The following ENTREP2 variants were observed in gnomAD, a reference collection of about 807,000 sequenced individuals.
The protein encoded by ENTREP2 is protein ENTREP2.
the ENTREP2 span, among the ~76,000 whole-genome samples, chr15:29,481,993 TTTTC>T: frequency 5.2e-4 from 79 of 152,018 alleles, no homozygotes; most frequent in Middle Eastern, 3.4e-3. Flanking sequence ...TTTCTTTTTC[TTTTC>T]TTTCTTTCTT....
the ENTREP2 span, among the ~76,000 whole-genome samples, chr15:29,343,381 C>T: frequency 6.6e-6 from 1 of 152,064 alleles, no homozygotes; most frequent in African/African-American, 2.4e-5. Context: ...GACTGAGGTT[C>T]CCCAAGTAGA....
At chr15:29,451,043 C>T in the ENTREP2 span, among the ~76,000 whole-genome samples, 1 of 151,776 alleles carries the variant, frequency 6.6e-6, no homozygotes, top group Non-Finnish European at 1.5e-5. Context: ...AATCTGTACA[C>T]CAAACCCCCA....
chr15:29,194,474 C>G, the ENTREP2 span, among the ~76,000 whole-genome samples: 1 of 152,210 alleles, frequency 6.6e-6, no homozygotes, highest in Non-Finnish European at 1.5e-5. Context: ...ATAGTGTAGT[C>G]TTTCCTTTGC....
At chr15:29,233,566 A>G in the ENTREP2 span, 1 of 601,516 alleles carries the variant, frequency 1.7e-6, no homozygotes. Flanking sequence ...CACCTACTGT[A>G]ATTTAGTCCA....
chr15:29,231,907 T>TTTTTTTTTTTTTTTG, the ENTREP2 span, among the ~76,000 whole-genome samples: 1 of 149,828 alleles, frequency 6.7e-6, no homozygotes, highest in Admixed American at 6.7e-5. Flanking sequence ...TTTTTTTTTT[T>TTTTTTTTTTTTTTTG]TGAGACGGAG....
the ENTREP2 span, among the ~76,000 whole-genome samples, chr15:29,406,218 A>C: frequency 2.0e-5 from 3 of 152,250 alleles, no homozygotes; most frequent in Admixed American, 6.5e-5. Flanking sequence ...TATTCTATAA[A>C]CATTTGGAAT....
chr15:29,267,381 T>C, the ENTREP2 span: 1 of 152,218 alleles, frequency 6.6e-6, no homozygotes, highest in Admixed American at 6.5e-5. Context: ...GACTATGAAC[T>C]CTTCTAGTTC....
chr15:29,535,979 A>C, the ENTREP2 span, among the ~76,000 whole-genome samples: 3 of 152,300 alleles, frequency 2.0e-5, no homozygotes, highest in African/African-American at 7.2e-5. Context: ...CCCAGGCGGC[A>C]GAGGAGCCTG....
At chr15:29,190,404 G>A in the ENTREP2 span, among the ~76,000 whole-genome samples, 26 of 151,888 alleles carry the variant, frequency 1.7e-4, no homozygotes, top group African/African-American at 6.0e-4. Flanking sequence ...AGTCAGGAAG[G>A]GCAGAACAGA....
chr15:29,630,370 G>C, the ENTREP2 span, among the ~76,000 whole-genome samples: 2 of 151,996 alleles, frequency 1.3e-5, no homozygotes, highest in African/African-American at 4.8e-5. Flanking sequence ...CTAATTCATC[G>C]TTTCTTTCTA....
the ENTREP2 span, among the ~76,000 whole-genome samples, chr15:29,437,657 C>T: frequency 6.6e-6 from 1 of 152,162 alleles, no homozygotes; most frequent in South Asian, 2.1e-4. Context: ...AGTTCATTAG[C>T]TTTTCATTAG....
At chr15:29,440,975 T>C in the ENTREP2 span, among the ~76,000 whole-genome samples, 2 of 152,164 alleles carry the variant, frequency 1.3e-5, no homozygotes, top group Non-Finnish European at 2.9e-5. Flanking sequence ...TCTGGGTATA[T>C]ACCCAAAAGA....
chr15:29,125,082 G>A, the ENTREP2 span, among the ~76,000 whole-genome samples: 5 of 152,202 alleles, frequency 3.3e-5, no homozygotes, highest in Admixed American at 6.5e-5. Context: ...TGCCTGCGGC[G>A]TGCACATCAG....
chr15:29,645,659 C>T, the ENTREP2 span, among the ~76,000 whole-genome samples: 381 of 152,098 alleles, frequency 2.5e-3, 1 homozygote, highest in Middle Eastern at 0.01. Flanking sequence ...CCAGGGTTCA[C>T]GCCATTCTCC....
chr15:29,319,768 C>A, the ENTREP2 span, among the ~76,000 whole-genome samples: 30 of 152,190 alleles, frequency 2.0e-4, no homozygotes, highest in Admixed American at 3.3e-4. Flanking sequence ...GATCTGCTCA[C>A]CTAGAGATGC....
the ENTREP2 span, among the ~76,000 whole-genome samples, chr15:29,124,472 A>C: frequency 3.3e-5 from 5 of 152,348 alleles, no homozygotes; most frequent in African/African-American, 1.2e-4. Context: ...TGGGCTGAGC[A>C]GTCACAGGTG....
At chr15:29,611,204 C>T in the ENTREP2 span, 5 of 152,154 alleles carry the variant, frequency 3.3e-5, no homozygotes, top group Non-Finnish European at 5.9e-5. Context: ...CAGTCCCTAG[C>T]CCCGGACTCT....
the ENTREP2 span, among the ~76,000 whole-genome samples, chr15:29,478,013 ATATATATTT>A: frequency 7.6e-3 from 499 of 65,468 alleles, 4 homozygotes; most frequent in African/African-American, 0.039. Context: ...ATATATATAT[ATATATATTT>A]TTTTTTTTTT....
At chr15:29,410,288 C>T in the ENTREP2 span, among the ~76,000 whole-genome samples, 9 of 152,258 alleles carry the variant, frequency 5.9e-5, no homozygotes, top group East Asian at 1.7e-3. Flanking sequence ...CTTGTTTTTG[C>T]ACTTTACAAA....
Sources: allele counts gnomAD v4.1 joint callset (sites outside exome capture counted in the v4.1 genomes callset), GRCh38; gene constraint gnomAD v4.1.1; transcripts MANE v1.5; gene names NCBI Gene and HGNC (gene_info 2026-07-23, HGNC 2026-07-21).